The following METTL13 variants were observed in gnomAD, a reference collection of about 807,000 sequenced individuals.
METTL13 encodes the protein methyltransferase 13, eEF1A N-terminus and K55.
METTL13 carries 52 observed loss-of-function variants against 67.4 expected under a neutral mutation model. The observed-to-expected ratio is 0.77, with a 90% confidence interval of 0.62 to 0.97. The LOEUF is 0.97. Among genes scored for constraint, METTL13 ranks in the 50% least tolerant of loss-of-function variants. METTL13 has a pLI of 0.00. For missense variants in METTL13, 825 were observed against 889.6 expected (o/e 0.93, Z 0.92); for synonymous variants, 354 against 353.6 (o/e 1.00, Z -0.01).
intron 6 of METTL13, 96 bp downstream of exon 6, chr1:171,792,331 G>A: frequency 3.7e-6 from 5 of 1,366,362 alleles, no homozygotes; most frequent in Non-Finnish European, 4.1e-6. Flanking sequence ...CTAAGAGAGT[G>A]GCATGAGTAT....
chr1:171,796,368 T>A, intron 7 of METTL13, 114 bp from the exon 8 acceptor site: 1 of 1,295,992 alleles, frequency 7.7e-7, no homozygotes, highest in Non-Finnish European at 1.1e-6. Context: ...CCACCGTGTG[T>A]TTTAGTCCAC....
In METTL13 at chr1:171,784,037, C is replaced by A. The variant is rs764660019; in HGVS notation, c.451C>A (p.Gln151Lys). 3 of 1,614,220 alleles carry A rather than the reference C, an allele frequency of 1.9e-6. No homozygotes were observed. The South Asian group carries it at 3.3e-5, about 18-fold the overall frequency. The change falls in exon 2 of 8, where the codon CAG becomes AAG. Residue 151 changes from glutamine (Q) to lysine (K), a missense_variant. Gln to Lys is a moderately conservative substitution (Grantham distance 53, BLOSUM62 1). Transcript: ENST00000361735. ...GCTGGCTGAGGTTGGCCGTGTCCTGCAGGTGGGCGGTCGCTATCTCTGCAT... is the reference window on the plus strand; with the variant it reads ...GCTGGCTGAGGTTGGCCGTGTCCTGAAGGTGGGCGGTCGCTATCTCTGCAT... ...RMLAEVGRVL[Q>K]VGGRYLCISL...
At chr1:171,786,918 G>A (rs906480746) in intron 3 of METTL13, among the ~76,000 whole-genome samples, 1 of 151,862 alleles carries the variant, frequency 6.6e-6, no homozygotes, top group Non-Finnish European at 1.5e-5. Context: ...GAAAGCAAAG[G>A]TATCTAGAGG....
In METTL13 at chr1:171,784,170, A is replaced by C. The variant is rs1656922974; in HGVS notation, c.584A>C (p.Glu195Ala). The C allele has an allele frequency of 2.5e-6, 4 of 1,614,092 alleles. No homozygotes were observed. Among genetic ancestry groups the C allele is most frequent in the Non-Finnish European group, 3.4e-6 (4 of 1,180,052 alleles). Reference sequence around the variant, plus strand: ...GCCAACAGCCAGGACCAGGTGTTGGAAGCAGAGCCTCAGTTCTCCTTGCCT... The same window carrying C: ...GCCAACAGCCAGGACCAGGTGTTGGCAGCAGAGCCTCAGTTCTCCTTGCCT... Reference protein sequence around the residue: ...QVANSQDQVLEAEPQFSLPVF... With the variant: ...QVANSQDQVLAAEPQFSLPVF... The change falls in exon 2 of 8, where the codon GAA becomes GCA. Residue 195 changes from glutamate to alanine, a missense_variant. Glu to Ala is a moderately radical substitution (Grantham distance 107). Transcript: ENST00000361735.
Position 171,781,785 on chromosome 1 carries a change from G to GCGCA in METTL13, c.-181_-180insCACG, listed in dbSNP as rs1276200091. ...GTGTGAGATTCAGTGGTCCATGCGT[G>GCGCA]CGTTTGTCGTGTAAGGGTCATTCCT... On this transcript the variant is annotated 5_prime_UTR_variant, in exon 1 of 8. The change abolishes the stop of an existing upstream ORF in the 5' untranslated region. Coordinates refer to ENST00000361735, the MANE Select transcript of METTL13 (RefSeq NM_015935.5). The GCGCA allele has an allele frequency of 1.4e-6, 2 of 1,417,020 alleles. No homozygotes were observed. 87.8% of individuals were successfully genotyped at this position (1,417,020 alleles called of 1,614,324 possible). A position where few individuals can be genotyped will look rare whatever the true frequency, so the allele number is the denominator to read the frequency against.
chr1:171,786,484 T>C (rs953801217), intron 3 of METTL13, among the ~76,000 whole-genome samples: 3 of 152,182 alleles, frequency 2.0e-5, no homozygotes, highest in African/African-American at 7.2e-5. Flanking sequence ...TCAGCACAGT[T>C]ATCCAGGTAT....
In METTL13 at chr1:171,792,207, T is replaced by C. The variant is rs1320963022; in HGVS notation, c.1665T>C (p.Tyr555=). 2 of 1,614,090 alleles carry C rather than the reference T, an allele frequency of 1.2e-6. No individual in the cohort carries two copies. Among genetic ancestry groups the C allele is most frequent in the African/African-American group, 2.7e-5 (2 of 74,950 alleles). Residue 555 remains tyrosine (Y), a synonymous_variant, in exon 6 of 8, where the codon TAT becomes TAC. Coordinates refer to ENST00000361735, the MANE Select transcript of METTL13 (RefSeq NM_015935.5). The part of the protein sequence containing the change: ...MKVHIADGLD[Y]IASLAGGGEA... Reference sequence around the variant, plus strand: ...TCCACATTGCAGATGGCCTGGACTATATCGCCAGCTTGGCAGGAGGAGGAG... The same window carrying C: ...TCCACATTGCAGATGGCCTGGACTACATCGCCAGCTTGGCAGGAGGAGGAG...
intron 5 of METTL13, among the ~76,000 whole-genome samples, 171 bp from the exon 6 acceptor site, chr1:171,791,846 A>G (rs926003947): frequency 2.0e-5 from 3 of 152,206 alleles, no homozygotes; most frequent in Non-Finnish European, 4.4e-5. Flanking sequence ...GGATTCAGTT[A>G]TCAGATGTCA....
intron 1 of METTL13, 58 bp from the exon 2 acceptor site, chr1:171,783,682 C>T (rs1656901971): frequency 3.2e-6 from 5 of 1,538,650 alleles, no homozygotes; most frequent in South Asian, 2.6e-5. Context: ...CTTGAAGTAC[C>T]TGAAGTACAG....
At chr1:171,786,115 A>G in intron 3 of METTL13, 37 bp downstream of exon 3, 2 of 1,580,874 alleles carry the variant, frequency 1.3e-6, no homozygotes, top group Non-Finnish European at 1.7e-6. Context: ...TGGGTCTCTG[A>G]AGTCATGTTA....
At chr1:171,795,631 G>A (rs909959) in intron 7 of METTL13, among the ~76,000 whole-genome samples, 79,750 of 152,042 alleles carry the variant, frequency 0.52, 21,729 homozygotes, top group African/African-American at 0.67. Flanking sequence ...GGGGCTCAAA[G>A]TCAGTGCCTT....
chr1:171,788,957 G>A (rs1043284121), intron 4 of METTL13, among the ~76,000 whole-genome samples: 8 of 152,164 alleles, frequency 5.3e-5, no homozygotes, highest in Admixed American at 3.9e-4. Flanking sequence ...TTTTTCTTTA[G>A]GGGTTTTCCC....
intron 1 of METTL13, among the ~76,000 whole-genome samples, chr1:171,782,846 A>AT (rs1414925168): frequency 1.3e-5 from 2 of 152,232 alleles, no homozygotes; most frequent in African/African-American, 4.8e-5. Context: ...GTGAAACGTG[A>AT]TAAGTACAAC....
Position 171,785,873 on chromosome 1 carries a change from T to C in METTL13, c.914-6T>C, listed in dbSNP as rs765832111. ...GGACTCCCTGTAACCAAGTTCTTTT[T>C]TCTAGTCCCTCAGGGCCGGGAGACC... On this transcript the variant is annotated splice_region_variant and splice_polypyrimidine_tract_variant and intron_variant, in intron 2 of 7. Coordinates refer to ENST00000361735, the MANE Select transcript of METTL13 (RefSeq NM_015935.5). The C allele has an allele frequency of 6.2e-7, 1 of 1,611,980 alleles. No individual in the cohort carries two copies. The highest frequency in any genetic ancestry group is 8.5e-7 in the Non-Finnish European group (1 of 1,179,778).
chr1:171,793,021 A>T (rs1485835732), intron 6 of METTL13, among the ~76,000 whole-genome samples: 1 of 152,186 alleles, frequency 6.6e-6, no homozygotes, highest in Non-Finnish European at 1.5e-5. Context: ...TATTATACAG[A>T]TAGGCTGCTG....
At chr1:171,782,436 C>T (rs1656858365) in intron 1 of METTL13, among the ~76,000 whole-genome samples, 1 of 151,660 alleles carries the variant, frequency 6.6e-6, no homozygotes. Context: ...GGCGTGGTGG[C>T]GCGCATCTGT....
At chr1:171,785,227 A>G (rs1656971157) in intron 2 of METTL13, among the ~76,000 whole-genome samples, 1 of 152,260 alleles carries the variant, frequency 6.6e-6, no homozygotes, top group Admixed American at 6.5e-5. Context: ...TAAAAAAGAT[A>G]GTAGGAGGAA....
intron 2 of METTL13, among the ~76,000 whole-genome samples, chr1:171,784,826 A>G (rs1167078870): frequency 6.6e-6 from 1 of 152,196 alleles, no homozygotes; most frequent in Non-Finnish European, 1.5e-5. Context: ...TAGAGATGCT[A>G]GTTACTTTGT....
rs1360148624 is a variant in METTL13, at chr1:171,783,883, C to T, written c.297C>T (p.Ser99=). The T allele has an allele frequency of 4.3e-6, 7 of 1,614,100 alleles. No homozygotes were observed. The highest frequency in any genetic ancestry group is 5.1e-6 in the Non-Finnish European group (6 of 1,180,056). The change falls in exon 2 of 8, where the codon AGC becomes AGT. Residue 99 remains serine (S), a synonymous_variant. Transcript: ENST00000361735. Reference sequence around the variant, plus strand: ...ATGCCACCCGACGGCCCCAGATGAGCTTCTTGAAGATGGACATGACGCAGA... The same window carrying T: ...ATGCCACCCGACGGCCCCAGATGAGTTTCTTGAAGATGGACATGACGCAGA... The part of the protein sequence containing the change: ...ECNATRRPQM[S]FLKMDMTQME...
Sources: gnomAD v4.1 joint callset for allele counts (sites outside exome capture counted in the v4.1 genomes callset) on GRCh38, gnomAD v4.1.1 for gene constraint, MANE v1.5 for transcripts, NCBI Gene and HGNC (gene_info 2026-07-23, HGNC 2026-07-21) for gene names.